The following MBNL2 variants were observed in gnomAD, a reference collection of about 807,000 sequenced individuals.
MBNL2 encodes muscleblind like splicing regulator 2.
In MBNL2, 17 loss-of-function variants were observed where a neutral mutation model predicts 41.9. The observed-to-expected ratio is 0.41, with a 90% CI of 0.28 to 0.61. The LOEUF (loss-of-function observed/expected upper bound fraction) is 0.61. Among genes scored for constraint, MBNL2 ranks in the 20% least tolerant of loss-of-function variants. The pLI, the probability that MBNL2 is intolerant of heterozygous loss-of-function variation, is 0.35. For missense variants in MBNL2, 336 were observed against 505.6 expected (o/e 0.66, Z 3.22); for synonymous variants, 195 against 182.9 (o/e 1.07, Z -0.53).
At chr13:97,259,796 T>C (rs2152872215) in intron 1 of MBNL2, among the ~76,000 whole-genome samples, 1 of 152,208 alleles carries the variant, frequency 6.6e-6, no homozygotes, top group African/African-American at 2.4e-5. Context: ...ACAACAGCGG[T>C]TGAGAAAGAT....
At chr13:97,353,081 T>C (rs1053717851) in intron 5 of MBNL2, among the ~76,000 whole-genome samples, 1 of 152,224 alleles carries the variant, frequency 6.6e-6, no homozygotes, top group East Asian at 1.9e-4. Context: ...CATGGTTACA[T>C]TCATCAAGCT....
At chr13:97,350,166 TAA>T (rs2062307401) in intron 5 of MBNL2, among the ~76,000 whole-genome samples, 1 of 152,228 alleles carries the variant, frequency 6.6e-6, no homozygotes, top group Non-Finnish European at 1.5e-5. Context: ...CCAGTGCATA[TAA>T]AAGTTATGTT....
chr13:97,328,172 C>CATTT (rs1261785165), intron 2 of MBNL2, among the ~76,000 whole-genome samples: 1 of 143,786 alleles, frequency 7.0e-6, no homozygotes, highest in African/African-American at 2.9e-5. Context: ...TTTCCTTAAC[C>CATTT]CTTTTTTTTT....
At chr13:97,264,815 G>A (rs192322155) in intron 1 of MBNL2, among the ~76,000 whole-genome samples, 13 of 152,346 alleles carry the variant, frequency 8.5e-5, no homozygotes, top group Non-Finnish European at 1.3e-4. Flanking sequence ...GGCTATGGCC[G>A]GGGAAGGAAA....
the MBNL2 span, among the ~76,000 whole-genome samples, chr13:97,148,894 T>C: frequency 2.6e-5 from 4 of 152,254 alleles, no homozygotes; most frequent in African/African-American, 9.6e-5. Context: ...CATTTGCGTA[T>C]GCACTAACAT....
rs546530717 is a variant in MBNL2 at position 97,334,936 on chromosome 13, G to C, written c.339+496G>C. ...CTTAACTCAGACATGTTAGCAGAGC[G>C]CTTTCTGCAGTGTGTTCCAGGAAGA... On this transcript the variant is annotated intron_variant, in intron 3 of 8. Coordinates refer to ENST00000679496, the MANE Select transcript of MBNL2 (RefSeq NM_001382683.1). This position sits in a 1 kb window ranked among gnomAD's most constrained non-coding sequence, Gnocchi z 5.3. 6.6e-6 allele frequency among the ~76,000 whole-genome samples: 1 copy of C among 152,178 alleles called. No individual in the cohort carries two copies. The highest frequency in any genetic ancestry group is 1.5e-5 in the Non-Finnish European group (1 of 68,032).
upstream of MBNL2, chr13:97,222,192 CA>C: frequency 2.6e-6 from 1 of 383,594 alleles, no homozygotes. Context: ...TTACACACTG[CA>C]AGTGCTGTGT....
At chr13:97,373,167 A>G (rs750740738) in intron 8 of MBNL2, among the ~76,000 whole-genome samples, 6 of 152,168 alleles carry the variant, frequency 3.9e-5, no homozygotes, top group Non-Finnish European at 8.8e-5. Context: ...GCTGGGCCCC[A>G]CGTATGTTGT....
chr13:97,154,840 T>TGGAC, the MBNL2 span, among the ~76,000 whole-genome samples: 34 of 152,002 alleles, frequency 2.2e-4, no homozygotes, highest in African/African-American at 7.0e-4. Context: ...GATGGATGGA[T>TGGAC]AGACAAGCTG....
the MBNL2 span, among the ~76,000 whole-genome samples, chr13:97,201,344 A>G: frequency 6.6e-6 from 1 of 152,150 alleles, no homozygotes; most frequent in African/African-American, 2.4e-5. Context: ...ATAATGTTGC[A>G]CCTCACATGC....
intron 2 of MBNL2, among the ~76,000 whole-genome samples, chr13:97,298,552 G>A (rs1477237633): frequency 1.3e-5 from 2 of 152,204 alleles, no homozygotes; most frequent in East Asian, 1.9e-4. Flanking sequence ...GAAGATCTGG[G>A]ACTGGACCCA....
At chr13:97,293,942 C>G (rs1284056753) in intron 2 of MBNL2, among the ~76,000 whole-genome samples, 2 of 151,960 alleles carry the variant, frequency 1.3e-5, no homozygotes, top group Non-Finnish European at 2.9e-5. Flanking sequence ...GTGTTGTATC[C>G]CTTACCCCTT....
intron 3 of MBNL2, among the ~76,000 whole-genome samples, chr13:97,336,830 A>G (rs892011254): frequency 6.6e-6 from 1 of 152,250 alleles, no homozygotes; most frequent in Non-Finnish European, 1.5e-5. Flanking sequence ...CAAAAACTGC[A>G]TAAGACAAGT....
chr13:97,179,771 G>T, the MBNL2 span: 1 of 152,402 alleles, frequency 6.6e-6, no homozygotes, highest in Non-Finnish European at 1.5e-5. Flanking sequence ...ATGTGTGATG[G>T]CCCCAAGGAG....
At chr13:97,363,713 T>C (rs764021634) in intron 7 of MBNL2, among the ~76,000 whole-genome samples, 5 of 152,050 alleles carry the variant, frequency 3.3e-5, no homozygotes, top group Non-Finnish European at 7.4e-5. Flanking sequence ...TTCCAGAAGT[T>C]TGATTGTGAA....
the MBNL2 span, among the ~76,000 whole-genome samples, chr13:97,181,656 C>G: frequency 2.6e-5 from 4 of 152,316 alleles, no homozygotes; most frequent in Admixed American, 2.0e-4. Context: ...AGGAGGCAGT[C>G]TAAGCATGAC....
At chr13:97,390,803 G>A (rs1232851180) in intron 8 of MBNL2, among the ~76,000 whole-genome samples, 2 of 151,954 alleles carry the variant, frequency 1.3e-5, no homozygotes, top group Non-Finnish European at 2.9e-5. Context: ...GTTATGTGTT[G>A]GGAACAAAAT....
chr13:97,357,433 G>A, intron 6 of MBNL2, 49 bp from the exon 7 acceptor site: 1 of 1,479,126 alleles, frequency 6.8e-7, no homozygotes. Context: ...AACATGGAAG[G>A]TGTGTTTGCT....
chr13:97,305,168 A>T (rs938321197), intron 2 of MBNL2, among the ~76,000 whole-genome samples: 4 of 152,212 alleles, frequency 2.6e-5, no homozygotes, highest in Non-Finnish European at 5.9e-5. Context: ...TTGACTTCTT[A>T]TCAGGAGTTC....
Sources: gnomAD v4.1 joint callset for allele counts (sites outside exome capture counted in the v4.1 genomes callset) on GRCh38, gnomAD v4.1.1 for gene constraint, Gnocchi (gnomAD v3.1) non-coding constraint, MANE v1.5 for transcripts, NCBI Gene and HGNC (gene_info 2026-07-23, HGNC 2026-07-21) for gene names.